CSRNP3: variants seen among roughly 807,000 people sequenced by gnomAD.
CSRNP3 encodes the protein cysteine and serine rich nuclear protein 3.
A neutral mutation model predicts 48.0 loss-of-function variants in CSRNP3; 12 were observed. The ratio of observed to expected loss-of-function variants is 0.25; its 90% CI spans 0.16 to 0.41. The LOEUF (loss-of-function observed/expected upper bound fraction) is 0.41, where lower values mean the gene tolerates loss of function less well. CSRNP3 is among the 10% of genes least tolerant of loss of function. The pLI is 1.00. For missense variants in CSRNP3, 580 were observed against 724.4 expected (o/e 0.80, Z 2.29); for synonymous variants, 263 against 269.7 (o/e 0.98, Z 0.24).
At chr2:165,579,153 G>A (rs1398185255) in intron 3 of CSRNP3, among the ~76,000 whole-genome samples, 1 of 152,116 alleles carries the variant, frequency 6.6e-6, no homozygotes, top group African/African-American at 2.4e-5. Flanking sequence ...AACATCTTAG[G>A]TGTCAATGGA....
rs1684916097 is a variant in CSRNP3, at chr2:165,538,812, ACT to A, written c.-24+20852_-24+20853del. Among the ~76,000 whole-genome samples, 3 of 152,032 alleles carry A rather than the reference ACT, an allele frequency of 2.0e-5. No individual in the cohort carries two copies. In the South Asian group the frequency reaches 6.2e-4, roughly 31 times the overall value. ...GGCATGTAGCAATACACTTGTGAAC[ACT>A]GTCTTAGAGATACACTTCTCACTTA... On this transcript the variant is annotated intron_variant, in intron 3 of 6. Coordinates refer to ENST00000651982, the MANE Select transcript of CSRNP3 (RefSeq NM_001172173.2).
chr2:165,527,362 C>T (rs1412730036), intron 3 of CSRNP3, among the ~76,000 whole-genome samples: 4 of 151,750 alleles, frequency 2.6e-5, no homozygotes, highest in South Asian at 2.1e-4. Context: ...GCCACCACCA[C>T]GCCCAGCTAA....
intron 2 of CSRNP3, among the ~76,000 whole-genome samples, chr2:165,514,722 T>C (rs939908033): frequency 6.6e-6 from 1 of 152,088 alleles, no homozygotes; most frequent in Non-Finnish European, 1.5e-5. Context: ...TCCTGCTCCT[T>C]CTCCTCCTGC....
chr2:165,601,691 C>T (rs1685918350), intron 4 of CSRNP3, among the ~76,000 whole-genome samples: 1 of 151,968 alleles, frequency 6.6e-6, no homozygotes, highest in South Asian at 2.1e-4. Flanking sequence ...CTCTCCTTCC[C>T]TCCCTCCCTT....
At chr2:165,669,688 CA>C (rs1052428520) in intron 5 of CSRNP3, among the ~76,000 whole-genome samples, 1 of 151,588 alleles carries the variant, frequency 6.6e-6, no homozygotes, top group Non-Finnish European at 1.5e-5. Flanking sequence ...TTCCATCTGT[CA>C]AAAAAAAGTT....
chr2:165,502,589 A>T (rs1317231830), intron 2 of CSRNP3, among the ~76,000 whole-genome samples: 1 of 152,012 alleles, frequency 6.6e-6, no homozygotes, highest in Admixed American at 6.6e-5. Context: ...CCTCCAGAAG[A>T]CTTTACCAAT....
chr2:165,664,815 T>C (rs16850985), intron 5 of CSRNP3, among the ~76,000 whole-genome samples: 68,158 of 151,922 alleles, frequency 0.45, 15,320 homozygotes, highest in East Asian at 0.55. Flanking sequence ...AATTTTTTTT[T>C]GTTCTTAGTA....
Position 165,676,622 on chromosome 2 carries a change from A to G in CSRNP3, c.705+14A>G, listed in dbSNP as rs760796141. On this transcript the variant is annotated intron_variant, in intron 6 of 6. Coordinates refer to ENST00000651982, the MANE Select transcript of CSRNP3 (RefSeq NM_001172173.2). ...ATTAAGTGCCAGGTAAGGGTTGGGA[A>G]TTCAGGGCATCCAAAGACAAGACAT... The G allele has an allele frequency of 6.2e-7, 1 of 1,607,616 alleles. No individual in the cohort carries two copies. Among genetic ancestry groups the G allele is most frequent in the Admixed American group, 1.7e-5 (1 of 59,928 alleles).
intron 1 of CSRNP3, among the ~76,000 whole-genome samples, chr2:165,481,698 CA>C (rs1454544937): frequency 6.6e-6 from 1 of 152,058 alleles, no homozygotes; most frequent in African/African-American, 2.4e-5. Context: ...AGCTCTAATA[CA>C]AGGCATCCTG....
chr2:165,644,889 A>G (rs1002256426), intron 4 of CSRNP3, among the ~76,000 whole-genome samples: 1 of 152,142 alleles, frequency 6.6e-6, no homozygotes, highest in African/African-American at 2.4e-5. Flanking sequence ...GCAGAAATTT[A>G]TTTCTCATAG....
rs550945865 is a variant in CSRNP3 at position 165,485,909 on chromosome 2, C to T, written c.-282-8850C>T. On this transcript the variant is annotated intron_variant, in intron 1 of 6. Coordinates refer to ENST00000651982, the MANE Select transcript of CSRNP3 (RefSeq NM_001172173.2). ...AAATCTAGTAGGTAAGGTGCCTCAG[C>T]CATCATCAAATAATTAACAAAGCTA... Among the ~76,000 whole-genome samples, 30 of 152,218 alleles carry T rather than the reference C, an allele frequency of 2.0e-4. No individual in the cohort carries two copies. The East Asian group carries it at 5.4e-3, about 27-fold the overall frequency.
At chr2:165,621,851 T>G (rs754824365) in intron 4 of CSRNP3, among the ~76,000 whole-genome samples, 44 of 152,234 alleles carry the variant, frequency 2.9e-4, no homozygotes, top group Non-Finnish European at 3.5e-4. Context: ...TATTTTGATT[T>G]TCCACTTGAT....
intron 5 of CSRNP3, among the ~76,000 whole-genome samples, chr2:165,661,447 C>T (rs1687095139): frequency 6.6e-6 from 1 of 152,148 alleles, no homozygotes; most frequent in African/African-American, 2.4e-5. Flanking sequence ...AGTTGTTCAT[C>T]CTCATGATTG....
intron 3 of CSRNP3, among the ~76,000 whole-genome samples, chr2:165,580,132 G>C (rs367976103): frequency 6.6e-6 from 1 of 151,830 alleles, no homozygotes; most frequent in African/African-American, 2.4e-5. Context: ...GTTTCACCAC[G>C]TTAGCCAGGA....
chr2:165,499,905 G>C lies in CSRNP3; in HGVS notation c.-113+4977G>C, dbSNP rs939432765. Among the ~76,000 whole-genome samples the C allele has an allele frequency of 4.6e-5, 7 of 152,024 alleles. No homozygotes were observed. In the East Asian group the frequency reaches 1.3e-3, roughly 29 times the overall value. On this transcript the variant is annotated intron_variant, in intron 2 of 6. Transcript: ENST00000651982. ...TCATCTCACAAATATTATAATAAGG[G>C]AGTAGTAGTAAAGACTGAGTTATAT...
intron 3 of CSRNP3, among the ~76,000 whole-genome samples, chr2:165,542,091 CTG>C (rs1684965663): frequency 1.3e-5 from 2 of 152,238 alleles, no homozygotes; most frequent in African/African-American, 4.8e-5. Context: ...GTTTTTCAAA[CTG>C]TGCATTGACT....
At position 165,657,659 on chromosome 2, in the gene CSRNP3, G is replaced by T; in HGVS notation, c.149-102G>T. The T allele has an allele frequency of 2.1e-6, 3 of 1,399,052 alleles. No homozygotes were observed. In the South Asian group the frequency reaches 3.9e-5, roughly 18 times the overall value. 86.7% of individuals were successfully genotyped at this position (1,399,052 alleles called of 1,614,324 possible). A position where few individuals can be genotyped will look rare whatever the true frequency, so the allele number is the denominator to read the frequency against. On this transcript the variant is annotated intron_variant, in intron 4 of 6. Coordinates refer to ENST00000651982, the MANE Select transcript of CSRNP3 (RefSeq NM_001172173.2). ...GTTTTAGAGTGCCCTAGCCAACAAG[G>T]GTTGGCCACAGATAGATTCAAGATC...
intron 3 of CSRNP3, among the ~76,000 whole-genome samples, chr2:165,582,754 G>A (rs543637632): frequency 6.6e-6 from 1 of 152,118 alleles, no homozygotes; most frequent in African/African-American, 2.4e-5. Flanking sequence ...ATAATAAATG[G>A]CATGCATTTC....
At chr2:165,535,869 A>T (rs764291900) in intron 3 of CSRNP3, among the ~76,000 whole-genome samples, 1 of 151,868 alleles carries the variant, frequency 6.6e-6, no homozygotes, top group Non-Finnish European at 1.5e-5. Context: ...ATATATAGTT[A>T]CACTGTTGAT....
Sources: allele counts gnomAD v4.1 joint callset (sites outside exome capture counted in the v4.1 genomes callset), GRCh38; gene constraint gnomAD v4.1.1; transcripts MANE v1.5; gene names NCBI Gene and HGNC (gene_info 2026-07-23, HGNC 2026-07-21).